Variants in TPD52L1 observed in about 807,000 individuals in gnomAD.
TPD52L1 encodes the protein tumor protein D53.
TPD52L1 carries 18 observed loss-of-function variants against 28.7 expected under a neutral mutation model. The observed-to-expected ratio is 0.63, with a 90% confidence interval of 0.43 to 0.93. The LOEUF is 0.93. Ranked by LOEUF, TPD52L1 falls within the 40% of genes least tolerant of loss-of-function variation. TPD52L1 has a pLI of 0.00. For synonymous variants in TPD52L1, 75 were observed against 88.8 expected (o/e 0.84, Z 0.88); for missense variants, 203 against 254.8 (o/e 0.80, Z 1.39).
intron 1 of TPD52L1, among the ~76,000 whole-genome samples, chr6:125,205,189 A>G (rs1253008559): frequency 1.3e-5 from 2 of 152,214 alleles, no homozygotes; most frequent in African/African-American, 4.8e-5. Context: ...AAACTGATGG[A>G]ATACAATTTC....
At position 125,263,070 on chromosome 6, in the gene TPD52L1, C is replaced by T. The variant is rs1798151483; in HGVS notation, c.*108C>T. ...AAATCCCGCTGGGAAAAACCCAGGC[C>T]TTGACATTGTTATTCAAATGGCCCC... On this transcript the variant is annotated 3_prime_UTR_variant, in exon 7 of 7. Transcript: ENST00000534000. 1 of 1,357,740 alleles carries T rather than the reference C, an allele frequency of 7.4e-7. No individual in the cohort carries two copies. Among genetic ancestry groups the T allele is most frequent in the East Asian group, 2.6e-5 (1 of 39,080 alleles). The allele number at this position is 1,357,740 out of a possible 1,614,324, so 84.1% of individuals were successfully genotyped here.
intron 6 of TPD52L1, chr6:125,260,942 AAG>A (rs1797907583): frequency 2.6e-5 from 1 of 38,706 alleles, no homozygotes; most frequent in Non-Finnish European, 4.0e-5. Flanking sequence ...GAAAGAAAGA[AAG>A]AAAGAAAGAA....
intron 4 of TPD52L1, chr6:125,253,033 A>G (rs2115049018): frequency 6.6e-6 from 1 of 152,434 alleles, no homozygotes; most frequent in African/African-American, 2.4e-5. Context: ...CTCAATAGAA[A>G]GTAACAGGCA....
At chr6:125,189,604 T>G (rs1461901142) in intron 1 of TPD52L1, among the ~76,000 whole-genome samples, 1 of 152,190 alleles carries the variant, frequency 6.6e-6, no homozygotes, top group Non-Finnish European at 1.5e-5. Context: ...CCTAACTTAT[T>G]TTTCTGAATG....
At chr6:125,163,575 C>T (rs888745326) in intron 1 of TPD52L1, among the ~76,000 whole-genome samples, 1 of 148,918 alleles carries the variant, frequency 6.7e-6, no homozygotes, top group Non-Finnish European at 1.5e-5. Context: ...CAAAGTGACA[C>T]CCTGTCTAAA....
chr6:125,159,624 G>C (rs111896399), intron 1 of TPD52L1, among the ~76,000 whole-genome samples: 1 of 152,220 alleles, frequency 6.6e-6, no homozygotes, highest in African/African-American at 2.4e-5. Flanking sequence ...ATCCTTTCCA[G>C]AATGTTTTCA....
intron 6 of TPD52L1, chr6:125,261,018 GAAAA>G (rs1798003382): frequency 2.3e-5 from 1 of 43,124 alleles, no homozygotes; most frequent in African/African-American, 1.5e-4. Flanking sequence ...AAGAAAGAAA[GAAAA>G]GAAAAGAAAG....
chr6:125,169,737 C>G (rs1791155116), intron 1 of TPD52L1, among the ~76,000 whole-genome samples: 1 of 152,188 alleles, frequency 6.6e-6, no homozygotes, highest in Non-Finnish European at 1.5e-5. Flanking sequence ...TGCCTTGGTC[C>G]TGGACTGCCT....
At chr6:125,208,575 T>G (rs1794314399) in intron 1 of TPD52L1, among the ~76,000 whole-genome samples, 1 of 152,278 alleles carries the variant, frequency 6.6e-6, no homozygotes, top group East Asian at 1.9e-4. Flanking sequence ...TGGCTGATCC[T>G]GGGTTACTGT....
At chr6:125,165,034 G>T (rs1383923228) in intron 1 of TPD52L1, among the ~76,000 whole-genome samples, 1 of 126,358 alleles carries the variant, frequency 7.9e-6, no homozygotes, top group Admixed American at 8.6e-5. Context: ...GACCACTTGA[G>T]CTCCAGAGTT....
At position 125,172,551 on chromosome 6, in the gene TPD52L1, T is replaced by TATATAA. The variant is rs533258594; in HGVS notation, c.19+18582_19+18583insTATAAA. ...ATATATATATATATATATATATATA[T>TATATAA]AATATATATACTATATGGCATGAAA... On this transcript the variant is annotated intron_variant, in intron 1 of 6. Coordinates refer to ENST00000534000, the MANE Select transcript of TPD52L1 (RefSeq NM_003287.4). Among the ~76,000 whole-genome samples the TATATAA allele has an allele frequency of 7.6e-4, 64 of 83,834 alleles. 1 individual carries two copies. Among genetic ancestry groups the TATATAA allele is most frequent in the African/African-American group, 2.8e-3 (51 of 18,426 alleles). The allele number at this position is 83,834 out of a possible 152,430, so 55.0% of individuals were successfully genotyped here.
chr6:125,184,869 G>A (rs1792486032), intron 1 of TPD52L1, among the ~76,000 whole-genome samples: 1 of 151,976 alleles, frequency 6.6e-6, no homozygotes, highest in South Asian at 2.1e-4. Context: ...AAAATCAAGT[G>A]CACCATTGCT....
At chr6:125,202,339 A>G (rs893073662) in intron 1 of TPD52L1, among the ~76,000 whole-genome samples, 2 of 152,238 alleles carry the variant, frequency 1.3e-5, no homozygotes, top group African/African-American at 4.8e-5. Flanking sequence ...TCAGCACTTT[A>G]TAAGATCAGT....
At chr6:125,230,723 G>A (rs1459019713) in intron 3 of TPD52L1, among the ~76,000 whole-genome samples, 1 of 152,128 alleles carries the variant, frequency 6.6e-6, no homozygotes, top group African/African-American at 2.4e-5. Flanking sequence ...GAATGAGAAT[G>A]TTTTTCTCCC....
chr6:125,219,919 T>C (rs751853974), intron 1 of TPD52L1, 159 bp from the exon 2 acceptor site: 27 of 683,908 alleles, frequency 3.9e-5, no homozygotes, highest in Non-Finnish European at 6.1e-5. Context: ...TTCTTGGAGC[T>C]CGTCACACAT....
chr6:125,204,121 T>A (rs1163497743), intron 1 of TPD52L1, among the ~76,000 whole-genome samples: 1 of 152,198 alleles, frequency 6.6e-6, no homozygotes, highest in Non-Finnish European at 1.5e-5. Flanking sequence ...ACCTGCAATG[T>A]AATGAAGAGC....
rs186369792 is a variant in TPD52L1, at chr6:125,222,441, G to T, written c.135+2248G>T. Among the ~76,000 whole-genome samples the T allele has an allele frequency of 4.6e-3, 696 of 152,280 alleles. 2 individuals carry two copies. The highest frequency in any genetic ancestry group is 0.014 in the Middle Eastern group (4 of 294). The stretch of plus-strand genomic sequence containing the variant: ...TATTAGATGACGGCCTTGGAGTCAG[G>T]CACTCAGTTGTGGTCATGATCCAAA... On this transcript the variant is annotated intron_variant, in intron 2 of 6. Coordinates refer to ENST00000534000, the MANE Select transcript of TPD52L1 (RefSeq NM_003287.4).
At chr6:125,189,892 A>G (rs1001954422) in intron 1 of TPD52L1, among the ~76,000 whole-genome samples, 2 of 152,208 alleles carry the variant, frequency 1.3e-5, no homozygotes, top group Non-Finnish European at 2.9e-5. Context: ...AGCAATAGCA[A>G]TAATAACTTA....
At chr6:125,213,254 G>T (rs2114938385) in intron 1 of TPD52L1, among the ~76,000 whole-genome samples, 1 of 152,240 alleles carries the variant, frequency 6.6e-6, no homozygotes, top group South Asian at 2.1e-4. Flanking sequence ...CTTCAGCAAA[G>T]TTATCTTCTA....
Sources: gnomAD v4.1 joint callset for allele counts (sites outside exome capture counted in the v4.1 genomes callset) on GRCh38, gnomAD v4.1.1 for gene constraint, MANE v1.5 for transcripts, NCBI Gene and HGNC (gene_info 2026-07-23, HGNC 2026-07-21) for gene names.